FSTL4: variants seen among roughly 807,000 people sequenced by gnomAD.
FSTL4 encodes the protein follistatin like 4.
FSTL4 carries 28 observed loss-of-function variants against 78.2 expected under a neutral mutation model. That is an observed-to-expected ratio of 0.36 (90% CI 0.27 to 0.49). The LOEUF is 0.49. FSTL4 is among the 20% of genes least tolerant of loss of function. The pLI is 0.98. For missense variants in FSTL4, 922 were observed against 1,084.9 expected, an observed-to-expected ratio of 0.85 and a Z score of 2.11; for synonymous variants, 422 against 440.5, an observed-to-expected ratio of 0.96 and a Z score of 0.53.
chr5:133,508,668 C>T (rs908633773), intron 3 of FSTL4, among the ~76,000 whole-genome samples: 3 of 151,980 alleles, frequency 2.0e-5, no homozygotes, highest in African/African-American at 7.2e-5. Context: ...AGGTTATATG[C>T]AAAAACGACA....
At chr5:133,408,353 G>T (rs1756407189) in intron 3 of FSTL4, among the ~76,000 whole-genome samples, 1 of 152,092 alleles carries the variant, frequency 6.6e-6, no homozygotes, top group South Asian at 2.1e-4. Context: ...TCTGCCTGGG[G>T]CATCTTCCTT....
At chr5:133,748,601 G>T in the FSTL4 span, among the ~76,000 whole-genome samples, 11 of 152,158 alleles carry the variant, frequency 7.2e-5, no homozygotes, top group African/African-American at 2.4e-4. Context: ...AGACAAAAGA[G>T]AGTTCCTTAA....
chr5:133,631,317 C>A, the FSTL4 span, among the ~76,000 whole-genome samples: 4 of 151,588 alleles, frequency 2.6e-5, no homozygotes, highest in Non-Finnish European at 5.9e-5. Context: ...AAAAAAACAA[C>A]CCCATCAAAA....
At chr5:133,320,951 G>A (rs1419768525) in intron 4 of FSTL4, among the ~76,000 whole-genome samples, 2 of 141,750 alleles carry the variant, frequency 1.4e-5, no homozygotes, top group Non-Finnish European at 3.0e-5. Flanking sequence ...AGCTTGCAGT[G>A]AGCCGAGATC....
At chr5:133,305,787 C>T (rs1753642736) in intron 6 of FSTL4, among the ~76,000 whole-genome samples, 1 of 152,232 alleles carries the variant, frequency 6.6e-6, no homozygotes, top group African/African-American at 2.4e-5. Flanking sequence ...CTCAATTCCT[C>T]ACCCTTTCCC....
the FSTL4 span, among the ~76,000 whole-genome samples, chr5:133,651,592 C>G: frequency 6.6e-6 from 1 of 151,556 alleles, no homozygotes; most frequent in Non-Finnish European, 1.5e-5. Flanking sequence ...ATAAACTTCA[C>G]TTGGTCATAG....
At chr5:133,358,909 A>G (rs1755005732) in intron 4 of FSTL4, among the ~76,000 whole-genome samples, 1 of 152,182 alleles carries the variant, frequency 6.6e-6, no homozygotes, top group Non-Finnish European at 1.5e-5. Flanking sequence ...CCCTGAAGAC[A>G]AACTGGAATA....
In FSTL4 at chr5:133,358,309, A is replaced by G. The variant is rs142480441; in HGVS notation, c.410-41657T>C. Among the ~76,000 whole-genome samples, 278 of 152,268 alleles carry G rather than the reference A, an allele frequency of 1.8e-3. 1 individual carries two copies. Among genetic ancestry groups the G allele is most frequent in the African/African-American group, 6.2e-3 (258 of 41,540 alleles). On this transcript the variant is annotated intron_variant, in intron 4 of 15. Transcript: ENST00000265342. ...TTGGCTATAACTATCTTTGGGGAGG[A>G]GGAAGCAGCATCCTGACGAACACAC...
the FSTL4 span, among the ~76,000 whole-genome samples, chr5:133,710,241 G>C: frequency 6.6e-6 from 1 of 152,166 alleles, no homozygotes; most frequent in Non-Finnish European, 1.5e-5. Context: ...GACAATCATT[G>C]GTTGCATCTG....
chr5:133,788,063 C>T, the FSTL4 span, among the ~76,000 whole-genome samples: 2 of 152,184 alleles, frequency 1.3e-5, no homozygotes, highest in African/African-American at 4.8e-5. Context: ...GAGGGCGTGT[C>T]GGAGGAGATC....
Position 133,570,842 on chromosome 5 carries a change from C to T in FSTL4, c.127-3623G>A, listed in dbSNP as rs374455918. On this transcript the variant is annotated intron_variant, in intron 2 of 15. Coordinates refer to ENST00000265342, the MANE Select transcript of FSTL4 (RefSeq NM_015082.2). Reference sequence around the variant, plus strand: ...TATTCACTGCCACATTTCCCCTTTGCGACATTTGCTGTTTTGCATAGAAGC... The same window carrying T: ...TATTCACTGCCACATTTCCCCTTTGTGACATTTGCTGTTTTGCATAGAAGC... Among the ~76,000 whole-genome samples, 133 of 152,200 alleles carry T rather than the reference C, an allele frequency of 8.7e-4. No individual in the cohort carries two copies. The South Asian group carries it at 0.024, about 27-fold the overall frequency.
chr5:133,532,118 G>A (rs566712508), intron 3 of FSTL4, among the ~76,000 whole-genome samples: 1 of 152,334 alleles, frequency 6.6e-6, no homozygotes, highest in East Asian at 1.9e-4. Context: ...AGGCAGGAGG[G>A]TCACAGTCGG....
At position 133,444,893 on chromosome 5, in the gene FSTL4, G is replaced by A. The variant is rs1213828587; in HGVS notation, c.161-43907C>T. ...TTCCATTTCTGGGGCCAAGGGAGGA[G>A]GGCGAGATGCCAGATTGCTCCTAGC... On this transcript the variant is annotated intron_variant, in intron 3 of 15. Coordinates refer to ENST00000265342, the MANE Select transcript of FSTL4 (RefSeq NM_015082.2). Among the ~76,000 whole-genome samples the A allele has an allele frequency of 2.6e-5, 4 of 152,196 alleles. No individual in the cohort carries two copies. In the East Asian group the frequency reaches 7.7e-4, roughly 29 times the overall value.
At chr5:133,639,485 T>A in the FSTL4 span, among the ~76,000 whole-genome samples, 1 of 152,124 alleles carries the variant, frequency 6.6e-6, no homozygotes, top group Admixed American at 6.5e-5. Context: ...CCCAAGCAGA[T>A]GAGAAAGCCT....
chr5:133,691,086 A>C, the FSTL4 span, among the ~76,000 whole-genome samples: 81 of 152,312 alleles, frequency 5.3e-4, no homozygotes, highest in Admixed American at 1.3e-3. Flanking sequence ...CCCCTTTACC[A>C]CATCGGTTTT....
chr5:133,636,836 A>C, the FSTL4 span, among the ~76,000 whole-genome samples: 3 of 152,210 alleles, frequency 2.0e-5, no homozygotes, highest in Admixed American at 2.0e-4. Context: ...AATAAAAATT[A>C]TTGCTATGTT....
At chr5:133,839,249 T>A in the FSTL4 span, among the ~76,000 whole-genome samples, 1 of 152,144 alleles carries the variant, frequency 6.6e-6, no homozygotes, top group Non-Finnish European at 1.5e-5. Context: ...CCAAGGCTGG[T>A]TTCTAGAAGC....
intron 3 of FSTL4, among the ~76,000 whole-genome samples, chr5:133,402,808 G>A (rs772175751): frequency 6.6e-6 from 1 of 152,186 alleles, no homozygotes; most frequent in Non-Finnish European, 1.5e-5. Flanking sequence ...CAGTATAAAA[G>A]TGCAGATCCT....
At chr5:133,420,821 C>A (rs1048571992) in intron 3 of FSTL4, among the ~76,000 whole-genome samples, 3 of 152,226 alleles carry the variant, frequency 2.0e-5, no homozygotes, top group Non-Finnish European at 4.4e-5. Flanking sequence ...GGGCCTTGAG[C>A]TTGGGGCTTA....
Sources: gnomAD v4.1 joint callset for allele counts (sites outside exome capture counted in the v4.1 genomes callset) on GRCh38, gnomAD v4.1.1 for gene constraint, MANE v1.5 for transcripts, NCBI Gene and HGNC (gene_info 2026-07-23, HGNC 2026-07-21) for gene names.